Variants in CARMIL1 observed in about 807,000 individuals in gnomAD.
CARMIL1 encodes the protein F-actin-uncapping protein LRRC16A.
In CARMIL1, 90 loss-of-function variants were observed where a neutral mutation model predicts 177.1. That is an observed-to-expected ratio of 0.51 (90% CI 0.43 to 0.61). The LOEUF (loss-of-function observed/expected upper bound fraction) is 0.61, where lower values mean the gene tolerates loss of function less well. Among genes scored for constraint, CARMIL1 ranks in the 20% least tolerant of loss-of-function variants. The pLI, the probability that CARMIL1 is intolerant of heterozygous loss-of-function variation, is 0.00. For missense variants in CARMIL1, 1,380 were observed against 1,667.0 expected (o/e 0.83, Z 3.00); for synonymous variants, 577 against 606.2 (o/e 0.95, Z 0.71).
At chr6:25,408,680 T>G (rs1299561902) in intron 2 of CARMIL1, among the ~76,000 whole-genome samples, 2 of 152,174 alleles carry the variant, frequency 1.3e-5, no homozygotes, top group Non-Finnish European at 2.9e-5. Flanking sequence ...CAAAGCCTAG[T>G]GCTCTGCATG....
chr6:25,479,064 T>C (rs371603082), intron 11 of CARMIL1: 7 of 517,068 alleles, frequency 1.4e-5, no homozygotes, highest in Middle Eastern at 3.2e-4. Flanking sequence ...AATGTTCCAA[T>C]GTGTATGCTT....
At chr6:25,354,540 G>T (rs1439492239) in intron 2 of CARMIL1, among the ~76,000 whole-genome samples, 1 of 151,906 alleles carries the variant, frequency 6.6e-6, no homozygotes, top group Non-Finnish European at 1.5e-5. Context: ...CATGTTTTCA[G>T]CTTCTTCTGC....
chr6:25,581,069 G>A, intron 30 of CARMIL1, 79 bp downstream of exon 30: 1 of 1,410,682 alleles, frequency 7.1e-7, no homozygotes, highest in Non-Finnish European at 9.8e-7. Flanking sequence ...TTTTAGGGAT[G>A]TTCCTTATGG....
At chr6:25,455,328 T>G (rs962131572) in intron 8 of CARMIL1, among the ~76,000 whole-genome samples, 3 of 151,118 alleles carry the variant, frequency 2.0e-5, no homozygotes, top group African/African-American at 7.4e-5. Context: ...CTCGCCGTTA[T>G]ATTTAGTCTT....
intron 2 of CARMIL1, among the ~76,000 whole-genome samples, chr6:25,375,206 C>T (rs1015866149): frequency 6.6e-6 from 1 of 152,212 alleles, no homozygotes; most frequent in African/African-American, 2.4e-5. Flanking sequence ...CACATTCCCT[C>T]AGCATTTGCT....
chr6:25,291,796 T>G (rs1352261887), intron 2 of CARMIL1, among the ~76,000 whole-genome samples: 1 of 152,184 alleles, frequency 6.6e-6, no homozygotes, highest in Admixed American at 6.5e-5. Flanking sequence ...TAGGGGAGAT[T>G]TGGTTTTTGC....
intron 2 of CARMIL1, among the ~76,000 whole-genome samples, chr6:25,324,882 G>A (rs979203914): frequency 2.0e-5 from 3 of 152,100 alleles, no homozygotes; most frequent in Non-Finnish European, 2.9e-5. Context: ...GTGTGCTTGG[G>A]TGGGTCAAGG....
At chr6:25,333,927 CAG>C (rs1785951633) in intron 2 of CARMIL1, among the ~76,000 whole-genome samples, 1 of 152,142 alleles carries the variant, frequency 6.6e-6, no homozygotes, top group Non-Finnish European at 1.5e-5. Context: ...AATTTTGGCT[CAG>C]AGATTTTCTC....
intron 13 of CARMIL1, among the ~76,000 whole-genome samples, chr6:25,490,722 TAA>T (rs1443831897): frequency 1.1e-3 from 125 of 118,284 alleles, no homozygotes; most frequent in African/African-American, 4.5e-3. Flanking sequence ...AATAAATAAA[TAA>T]ATAAATAAAT....
chr6:25,508,728 T>C (rs952315013), intron 17 of CARMIL1, among the ~76,000 whole-genome samples: 3 of 152,286 alleles, frequency 2.0e-5, no homozygotes, highest in Non-Finnish European at 2.9e-5. Flanking sequence ...CTTGCCATGT[T>C]CCTTGGTTTA....
intron 2 of CARMIL1, among the ~76,000 whole-genome samples, chr6:25,321,788 A>G: frequency 6.6e-6 from 1 of 151,440 alleles, no homozygotes; most frequent in East Asian, 2.0e-4. Context: ...CCTCCCAAGT[A>G]ACTGGGACTA....
At chr6:25,318,883 G>A (rs1186690831) in intron 2 of CARMIL1, among the ~76,000 whole-genome samples, 1 of 152,200 alleles carries the variant, frequency 6.6e-6, no homozygotes, top group African/African-American at 2.4e-5. Context: ...GATGCAATCA[G>A]AGAAGGATGA....
chr6:25,471,715 G>A (rs1439953717), intron 10 of CARMIL1, among the ~76,000 whole-genome samples: 1 of 152,158 alleles, frequency 6.6e-6, no homozygotes, highest in East Asian at 1.9e-4. Flanking sequence ...GTTACTGGTG[G>A]TCATAGTGAT....
chr6:25,384,598 A>C (rs907380072), intron 2 of CARMIL1, among the ~76,000 whole-genome samples: 2 of 152,186 alleles, frequency 1.3e-5, no homozygotes, highest in Admixed American at 6.6e-5. Context: ...CTGTATGGAC[A>C]CCAGTTTGTG....
chr6:25,293,638 C>T (rs1226187891), intron 2 of CARMIL1, among the ~76,000 whole-genome samples: 2 of 151,998 alleles, frequency 1.3e-5, no homozygotes, highest in African/African-American at 4.8e-5. Context: ...CTTAGCCTCC[C>T]CAAGTAGTGG....
In CARMIL1 at chr6:25,554,212, A is replaced by G; in HGVS notation, c.2592+116A>G. 4.0e-6 allele frequency: 3 copies of G among 743,464 alleles called. No individual in the cohort carries two copies. The highest frequency in any genetic ancestry group is 6.8e-6 in the Non-Finnish European group (3 of 440,580). The allele number at this position is 743,464 out of a possible 1,614,324, so 46.1% of individuals were successfully genotyped here. A position where few individuals can be genotyped will look rare whatever the true frequency, so the allele number is the denominator to read the frequency against. On this transcript the variant is annotated intron_variant, in intron 28 of 36. Transcript: ENST00000329474. The surrounding 1 kb of genome is among the most constrained non-coding windows in gnomAD (Gnocchi z 4.6). ...CTGTATTTCACACTATTACAGCTTTATGGTTTGTGATCTTGGTTTTCCTCC... is the reference window on the plus strand; with the variant it reads ...CTGTATTTCACACTATTACAGCTTTGTGGTTTGTGATCTTGGTTTTCCTCC...
At position 25,435,583 on chromosome 6, in the gene CARMIL1, T is replaced by G. The variant is rs1473432367; in HGVS notation, c.350T>G (p.Ile117Arg). ...CACATAGGCACCTGCCTGAGGAAGA[T>G]ATTTCCTGGCCTCTCTCCAGTGTGA... The part of the protein sequence containing the change: ...LAHIGTCLRK[I>R]FPGLSPVRIM... The change falls in exon 5 of 37, where the codon ATA (isoleucine) becomes AGA (arginine). Residue 117 changes from isoleucine to arginine, a missense_variant. Coordinates refer to ENST00000329474, the MANE Select transcript of CARMIL1 (RefSeq NM_017640.6). 3 of 1,573,834 alleles carry G rather than the reference T, an allele frequency of 1.9e-6. No homozygotes were observed. The highest frequency in any genetic ancestry group is 2.6e-6 in the Non-Finnish European group (3 of 1,158,548).
At chr6:25,342,285 A>T (rs1351161476) in intron 2 of CARMIL1, among the ~76,000 whole-genome samples, 1 of 152,196 alleles carries the variant, frequency 6.6e-6, no homozygotes, top group Non-Finnish European at 1.5e-5. Flanking sequence ...TCATTTCCAG[A>T]TGAAGAAATT....
intron 15 of CARMIL1, 135 bp from the exon 16 acceptor site, chr6:25,494,976 C>T: frequency 1.7e-6 from 1 of 582,138 alleles, no homozygotes; most frequent in Non-Finnish European, 3.0e-6. Context: ...AGGTTTTGGA[C>T]ATTTATTTGT....
Sources: allele counts gnomAD v4.1 joint callset (sites outside exome capture counted in the v4.1 genomes callset), GRCh38; gene constraint gnomAD v4.1.1; non-coding constraint Gnocchi (gnomAD v3.1); transcripts MANE v1.5; gene names NCBI Gene and HGNC (gene_info 2026-07-23, HGNC 2026-07-21).